The following XYLB variants were observed in gnomAD, a reference collection of about 807,000 sequenced individuals.
XYLB encodes the protein xylulokinase.
In XYLB, 62 loss-of-function variants were observed where a neutral mutation model predicts 78.7. The observed-to-expected ratio is 0.79, with a 90% confidence interval of 0.64 to 0.97. The LOEUF is 0.97. Among genes scored for constraint, XYLB ranks in the 50% least tolerant of loss-of-function variants. The probability of loss-of-function intolerance (pLI) is 0.00; values close to 1 mark genes in which losing one functional copy is unlikely to be tolerated. For synonymous variants in XYLB, 245 were observed against 247.4 expected (o/e 0.99, Z 0.09); for missense variants, 687 against 676.8 (o/e 1.02, Z -0.17).
downstream of XYLB, among the ~76,000 whole-genome samples, chr3:38,415,377 A>T (rs1200005006): frequency 6.6e-6 from 1 of 152,242 alleles, no homozygotes; most frequent in African/African-American, 2.4e-5. Flanking sequence ...GATTGGGGAA[A>T]CTTGAGCAAA....
chr3:38,375,769 G>A (rs561923633), intron 12 of XYLB, among the ~76,000 whole-genome samples: 65 of 152,282 alleles, frequency 4.3e-4, no homozygotes, highest in Admixed American at 8.5e-4. Flanking sequence ...TAAGCCCTAA[G>A]AACCATTGGA....
intron 18 of XYLB, among the ~76,000 whole-genome samples, chr3:38,410,636 C>T (rs1322962138): frequency 9.2e-5 from 14 of 152,074 alleles, no homozygotes; most frequent in African/African-American, 2.6e-4. Flanking sequence ...ATCTACTCAT[C>T]TGACAAAGGG....
the XYLB span, among the ~76,000 whole-genome samples, chr3:38,435,250 C>G: frequency 3.3e-5 from 5 of 152,010 alleles, no homozygotes; most frequent in Non-Finnish European, 7.4e-5. Context: ...ATATTCCATA[C>G]AAACAGAAAC....
chr3:38,376,043 T>G, intron 12 of XYLB, 74 bp from the exon 13 acceptor site: 2 of 998,590 alleles, frequency 2.0e-6, no homozygotes, highest in Non-Finnish European at 3.2e-6. Flanking sequence ...TCTGCCTGAG[T>G]CTCTTCACTG....
At chr3:38,419,271 T>G (rs1284786281), downstream of XYLB, among the ~76,000 whole-genome samples, 1 of 152,144 alleles carries the variant, frequency 6.6e-6, no homozygotes, top group Non-Finnish European at 1.5e-5. Context: ...TGAATAATAT[T>G]CCGCTGTGTT....
chr3:38,431,214 T>A, the XYLB span, among the ~76,000 whole-genome samples: 48 of 152,320 alleles, frequency 3.2e-4, no homozygotes, highest in East Asian at 6.8e-3. Flanking sequence ...TTTGTTTGTA[T>A]CCTCTTTTAT....
At chr3:38,365,106 T>G in intron 4 of XYLB, 93 bp from the exon 5 acceptor site, 1 of 1,149,282 alleles carries the variant, frequency 8.7e-7, no homozygotes, top group East Asian at 2.4e-5. Flanking sequence ...GGAGCCCAGT[T>G]CTTTGGCATG....
the XYLB span, among the ~76,000 whole-genome samples, chr3:38,426,362 A>G: frequency 3.9e-5 from 6 of 152,254 alleles, no homozygotes; most frequent in East Asian, 1.2e-3. Flanking sequence ...CCTCATCTGT[A>G]TAATGAAAGA....
intron 10 of XYLB, 89 bp downstream of exon 10, chr3:38,372,825 A>G (rs555306394): frequency 1.7e-5 from 24 of 1,436,652 alleles, no homozygotes; most frequent in African/African-American, 2.8e-5. Context: ...TCTTGGTGAA[A>G]CCTTCTGTGG....
intron 18 of XYLB, 74 bp from the exon 19 acceptor site, chr3:38,412,862 T>C: frequency 7.5e-7 from 1 of 1,341,536 alleles, no homozygotes; most frequent in South Asian, 1.4e-5. Context: ...TTAAAAATTT[T>C]AAATTGCAAA....
chr3:38,407,407 C>T (rs1708371139), intron 18 of XYLB, among the ~76,000 whole-genome samples: 1 of 152,248 alleles, frequency 6.6e-6, no homozygotes, highest in African/African-American at 2.4e-5. Context: ...AAGGAACAAC[C>T]TGTACCAGCC....
chr3:38,347,418 C>T (rs564236506), intron 1 of XYLB, among the ~76,000 whole-genome samples: 2 of 152,314 alleles, frequency 1.3e-5, no homozygotes, highest in Non-Finnish European at 2.9e-5. Context: ...TGGCTCTTGC[C>T]GGTAATCCCA....
intron 18 of XYLB, among the ~76,000 whole-genome samples, chr3:38,403,809 A>G (rs1165585967): frequency 6.6e-6 from 1 of 152,092 alleles, no homozygotes; most frequent in Admixed American, 6.5e-5. Flanking sequence ...TCTGAGCTGT[A>G]TGTGCCTCAT....
chr3:38,375,491 A>G (rs921833376), intron 12 of XYLB, among the ~76,000 whole-genome samples: 6 of 152,076 alleles, frequency 3.9e-5, no homozygotes, highest in African/African-American at 9.7e-5. Flanking sequence ...TTCAAATTCT[A>G]TCCTCACCAG....
At chr3:38,381,297 G>A (rs1171930039) in intron 15 of XYLB, among the ~76,000 whole-genome samples, 1 of 152,166 alleles carries the variant, frequency 6.6e-6, no homozygotes, top group East Asian at 1.9e-4. Flanking sequence ...ATACCCTTGT[G>A]ATTTCCTATG....
chr3:38,442,136 A>G, the XYLB span, among the ~76,000 whole-genome samples: 1 of 152,184 alleles, frequency 6.6e-6, no homozygotes. Flanking sequence ...TAGGGCAAGG[A>G]CAAGCCAGTA....
intron 15 of XYLB, among the ~76,000 whole-genome samples, chr3:38,384,932 A>G (rs948179926): frequency 2.6e-5 from 4 of 152,154 alleles, no homozygotes; most frequent in African/African-American, 9.7e-5. Context: ...GACTGGCATG[A>G]GGTCTGATAA....
chr3:38,407,051 C>T (rs1349704775), intron 18 of XYLB, among the ~76,000 whole-genome samples: 79 of 145,894 alleles, frequency 5.4e-4, no homozygotes, highest in Non-Finnish European at 1.1e-3. Context: ...AGATACTCCT[C>T]GAGAAGAGCA....
intron 15 of XYLB, among the ~76,000 whole-genome samples, chr3:38,390,816 CTCAG>C (rs1707617602): frequency 6.6e-6 from 1 of 152,182 alleles, no homozygotes; most frequent in South Asian, 2.1e-4. Context: ...AGCCACTATG[CTCAG>C]TCAGTTTATT....
Sources: allele counts gnomAD v4.1 joint callset (sites outside exome capture counted in the v4.1 genomes callset), GRCh38; gene constraint gnomAD v4.1.1; transcripts MANE v1.5; gene names NCBI Gene and HGNC (gene_info 2026-07-23, HGNC 2026-07-21).